The following NPR3 variants were observed in gnomAD, a reference collection of about 807,000 sequenced individuals.
The protein encoded by NPR3 is atrial natriuretic peptide receptor 3.
Under a neutral mutation model 54.5 loss-of-function variants are expected in NPR3, and 34 were observed. The ratio of observed to expected loss-of-function variants is 0.62; its 90% CI spans 0.47 to 0.83. NPR3 has a LOEUF of 0.83. Ranked by LOEUF, NPR3 falls within the 40% of genes least tolerant of loss-of-function variation. The pLI, the probability that NPR3 is intolerant of heterozygous loss-of-function variation, is 0.00. For missense variants in NPR3, 674 were observed against 720.8 expected (o/e 0.94, Z 0.74); for synonymous variants, 289 against 297.1 (o/e 0.97, Z 0.28).
chr5:32,726,460 G>A (rs1429142148), intron 2 of NPR3, among the ~76,000 whole-genome samples: 1 of 152,110 alleles, frequency 6.6e-6, no homozygotes, highest in African/African-American at 2.4e-5. Flanking sequence ...AAGCAGAGTG[G>A]TGCTTTCACT....
chr5:32,708,669 G>C (rs1579578270), upstream of NPR3, among the ~76,000 whole-genome samples: 1 of 152,096 alleles, frequency 6.6e-6, no homozygotes. Context: ...GGTGACTTAA[G>C]TCTTCTGGCC....
upstream of NPR3, chr5:32,710,095 T>C (rs1738133301): frequency 6.6e-6 from 1 of 152,188 alleles, no homozygotes; most frequent in Admixed American, 6.5e-5. Flanking sequence ...CCAGTTCCAT[T>C]TTGACCCGCC....
In NPR3 at chr5:32,789,789, A is replaced by C. The variant is rs2112090699; in HGVS notation, c.*3444A>C. ...ATAGATCTCATGCAGATAGTGATGG[A>C]TTCAGAAAGTAGGTTCCAGTGGCGT... On this transcript the variant is annotated 3_prime_UTR_variant, in exon 8 of 8. Coordinates refer to ENST00000265074, the MANE Select transcript of NPR3 (RefSeq NM_001204375.2). The C allele has an allele frequency of 1.9e-6, 1 of 514,842 alleles. No individual in the cohort carries two copies. The highest frequency in any genetic ancestry group is 3.3e-4 in the Middle Eastern group (1 of 3,006). The allele number at this position is 514,842 out of a possible 1,614,324, so 31.9% of individuals were successfully genotyped here.
chr5:32,691,959 A>G (rs1378105510), intron 1 of NPR3, among the ~76,000 whole-genome samples: 1 of 152,250 alleles, frequency 6.6e-6, no homozygotes, highest in Non-Finnish European at 1.5e-5. Flanking sequence ...CTATATTGGA[A>G]TAATACATGA....
In NPR3 at chr5:32,784,846, C is replaced by T; in HGVS notation, c.1477C>T (p.Leu493=). The change falls in exon 7 of 8, where the codon CTA becomes TTA. Residue 493 remains leucine, a synonymous_variant. Transcript: ENST00000265074. The stretch of plus-strand genomic sequence containing the variant: ...GACAGGAATTGTCGTGGGGGCTTTA[C>T]TAGGAGCTGGCTTGCTAATGGCCTT... ...AVTGIVVGAL[L]GAGLLMAFYF... is the part of the protein sequence containing the mutation. The T allele has an allele frequency of 6.2e-7, 1 of 1,613,838 alleles. No homozygotes were observed. The highest frequency in any genetic ancestry group is 1.1e-5 in the South Asian group (1 of 91,084).
At position 32,738,797 on chromosome 5, in the gene NPR3, G is replaced by A. The variant is rs1739885658; in HGVS notation, c.893-67G>A. The A allele has an allele frequency of 4.1e-6, 6 of 1,446,606 alleles. No homozygotes were observed. In the African/African-American group the frequency reaches 4.2e-5, roughly 10 times the overall value. 89.6% of individuals were successfully genotyped at this position (1,446,606 alleles called of 1,614,324 possible). A position where few individuals can be genotyped will look rare whatever the true frequency, so the allele number is the denominator to read the frequency against. ...TAACATGCGGGGGCGCCTCACAGTTGTGAAGGGAGAATGGCCTCTTTATGG... is the reference window on the plus strand; with the variant it reads ...TAACATGCGGGGGCGCCTCACAGTTATGAAGGGAGAATGGCCTCTTTATGG... On this transcript the variant is annotated intron_variant, in intron 2 of 7. Coordinates refer to ENST00000265074, the MANE Select transcript of NPR3 (RefSeq NM_001204375.2).
At chr5:32,718,994 A>C (rs1487518195) in intron 1 of NPR3, among the ~76,000 whole-genome samples, 1 of 152,084 alleles carries the variant, frequency 6.6e-6, no homozygotes. Flanking sequence ...TGGGTTTGTC[A>C]TAAATAGCTC....
intron 2 of NPR3, among the ~76,000 whole-genome samples, chr5:32,729,202 T>A (rs1739332920): frequency 6.6e-6 from 1 of 151,806 alleles, no homozygotes; most frequent in East Asian, 1.9e-4. Context: ...GCTAATTTTT[T>A]GTATTTTTAG....
intron 4 of NPR3, among the ~76,000 whole-genome samples, chr5:32,775,094 A>C (rs1323209989): frequency 6.6e-6 from 1 of 152,206 alleles, no homozygotes; most frequent in Non-Finnish European, 1.5e-5. Context: ...ATGCTTCTTA[A>C]TATTGCATTG....
At chr5:32,757,931 T>G (rs1383351014) in intron 3 of NPR3, among the ~76,000 whole-genome samples, 1 of 152,246 alleles carries the variant, frequency 6.6e-6, no homozygotes, top group Non-Finnish European at 1.5e-5. Context: ...TGAACCAGTC[T>G]TGCATCCCAG....
chr5:32,779,294 A>G (rs1216960067), intron 4 of NPR3, among the ~76,000 whole-genome samples: 1 of 152,216 alleles, frequency 6.6e-6, no homozygotes, highest in East Asian at 1.9e-4. Flanking sequence ...AACTCTCCCC[A>G]GTTGAAAAGG....
chr5:32,784,501 TC>T (rs1254350949), intron 6 of NPR3, among the ~76,000 whole-genome samples: 1 of 152,206 alleles, frequency 6.6e-6, no homozygotes, highest in African/African-American at 2.4e-5. Flanking sequence ...AATCTTCAGT[TC>T]CAGTTTTCCT....
intron 3 of NPR3, among the ~76,000 whole-genome samples, chr5:32,746,842 T>G (rs562033841): frequency 6.6e-6 from 1 of 152,322 alleles, no homozygotes; most frequent in African/African-American, 2.4e-5. Flanking sequence ...TGAGACCCAT[T>G]CACTGACTGT....
Position 32,782,999 on chromosome 5 carries a change from A to C in NPR3, c.1397A>C (p.Glu466Ala). ...AGAATAGATGAAAACCGAATTGTAGAGCATACAAACAGCTCTCCCTGCAAA... is the reference window on the plus strand; with the variant it reads ...AGAATAGATGAAAACCGAATTGTAGCGCATACAAACAGCTCTCCCTGCAAA... ...KLRIDENRIV[E>A]HTNSSPCKSS... is the part of the protein sequence containing the mutation. The change falls in exon 6 of 8, where the codon GAG (glutamate) becomes GCG (alanine). Residue 466 changes from glutamate (E) to alanine (A), a missense_variant. Coordinates refer to ENST00000265074, the MANE Select transcript of NPR3 (RefSeq NM_001204375.2). 1 of 1,605,144 alleles carries C rather than the reference A, an allele frequency of 6.2e-7. No homozygotes were observed.
At chr5:32,725,610 C>A (rs1481084793) in intron 2 of NPR3, among the ~76,000 whole-genome samples, 1 of 152,072 alleles carries the variant, frequency 6.6e-6, no homozygotes, top group Non-Finnish European at 1.5e-5. Flanking sequence ...GAGATTTGGG[C>A]AGAATTTTTA....
At chr5:32,704,386 G>A (rs2111822449) in intron 1 of NPR3, among the ~76,000 whole-genome samples, 1 of 152,050 alleles carries the variant, frequency 6.6e-6, no homozygotes, top group South Asian at 2.1e-4. Context: ...GTGTGTGTGT[G>A]TGTGTGTGTG....
intron 3 of NPR3, among the ~76,000 whole-genome samples, chr5:32,761,859 G>C (rs555693084): frequency 6.6e-6 from 1 of 151,126 alleles, no homozygotes; most frequent in African/African-American, 2.4e-5. Context: ...TTGTTACATA[G>C]GTATACACGT....
chr5:32,712,227 G>C lies in NPR3; in HGVS notation c.451G>C (p.Asp151His). The part of the protein sequence containing the change: ...APVARLASHW[D>H]LPMLSAGALA... ...AGTGGCCCGGCTTGCATCGCACTGG[G>C]ACCTGCCCATGCTGTCGGCTGGGGC... The change falls in exon 1 of 8, where the codon GAC becomes CAC. Residue 151 changes from aspartate to histidine, a missense_variant. Transcript: ENST00000265074. 1 of 1,612,770 alleles carries C rather than the reference G, an allele frequency of 6.2e-7. No homozygotes were observed. The highest frequency in any genetic ancestry group is 1.1e-5 in the South Asian group (1 of 91,034).
chr5:32,752,103 C>T (rs1297077293), intron 3 of NPR3, among the ~76,000 whole-genome samples: 1 of 152,116 alleles, frequency 6.6e-6, no homozygotes, highest in Non-Finnish European at 1.5e-5. Flanking sequence ...ACTCGGGAGG[C>T]TGAGGCAGGA....
Sources: gnomAD v4.1 joint callset for allele counts (sites outside exome capture counted in the v4.1 genomes callset) on GRCh38, gnomAD v4.1.1 for gene constraint, MANE v1.5 for transcripts, NCBI Gene and HGNC (gene_info 2026-07-23, HGNC 2026-07-21) for gene names.